Variants in PLEKHM3 observed in about 807,000 individuals in gnomAD.
The protein encoded by PLEKHM3 is pleckstrin homology domain-containing family M member 3.
PLEKHM3 carries 45 observed loss-of-function variants against 81.8 expected under a neutral mutation model. The ratio of observed to expected loss-of-function variants is 0.55; its 90% CI spans 0.43 to 0.71. The LOEUF (loss-of-function observed/expected upper bound fraction) is 0.71. PLEKHM3 is among the 30% of genes least tolerant of loss of function. The probability of loss-of-function intolerance (pLI) is 0.00; values close to 1 mark genes in which losing one functional copy is unlikely to be tolerated. For synonymous variants in PLEKHM3, 352 were observed against 356.4 expected (o/e 0.99, Z 0.14); for missense variants, 788 against 924.3 (o/e 0.85, Z 1.91).
intron 4 of PLEKHM3, among the ~76,000 whole-genome samples, chr2:207,936,896 A>C (rs1297766320): frequency 6.6e-5 from 10 of 150,926 alleles, no homozygotes; most frequent in Non-Finnish European, 1.5e-4. Flanking sequence ...TATGCATGTA[A>C]AATTCATGAA....
rs115335545 is a variant in PLEKHM3 at position 207,867,164 on chromosome 2, G to C, written c.1951-5902C>G. 1.8e-3 allele frequency among the ~76,000 whole-genome samples: 275 copies of C among 152,328 alleles called. 2 individuals carry two copies. The highest frequency in any genetic ancestry group is 6.4e-3 in the African/African-American group (267 of 41,574). On this transcript the variant is annotated intron_variant, in intron 6 of 7. Coordinates refer to ENST00000427836, the MANE Select transcript of PLEKHM3 (RefSeq NM_001080475.3). ...CAGCAGTCATATCTTAGGTTGTCTT[G>C]TGTCGCAAACATTTTCAATCGTTCT... is the stretch of plus-strand genomic sequence containing the variant.
At position 207,946,401 on chromosome 2, in the gene PLEKHM3, C is replaced by T. The variant is rs761683261; in HGVS notation, c.1658G>A (p.Arg553His). The T allele has an allele frequency of 1.2e-5, 20 of 1,613,986 alleles. No homozygotes were observed. Among genetic ancestry groups the T allele is most frequent in the East Asian group, 4.5e-5 (2 of 44,900 alleles). ...TGAAGTATCCCAGTTGTGGACTATGCGTGCTGGAATGAGAAAGCTGTCATC... is the reference window on the plus strand; with the variant it reads ...TGAAGTATCCCAGTTGTGGACTATGTGTGCTGGAATGAGAAAGCTGTCATC... ...HVDDSFLIPARIVHNWDTSKY... is the reference protein window; with the variant it reads ...HVDDSFLIPAHIVHNWDTSKY... Residue 553 changes from arginine (R) to histidine (H), a missense_variant, in exon 4 of 8, where the codon CGC becomes CAC. Transcript: ENST00000427836.
At chr2:207,859,055 C>G (rs10185848) in intron 7 of PLEKHM3, among the ~76,000 whole-genome samples, 91,164 of 151,276 alleles carry the variant, frequency 0.6, 28,259 homozygotes, top group African/African-American at 0.72. Flanking sequence ...GTAATATGTG[C>G]TTTGTGTCTG....
chr2:207,870,095 C>T (rs1030487682), intron 6 of PLEKHM3, among the ~76,000 whole-genome samples: 2 of 152,164 alleles, frequency 1.3e-5, no homozygotes, highest in Admixed American at 6.5e-5. Flanking sequence ...ATTGCAGTGT[C>T]ATGTTCAAGG....
chr2:207,862,198 C>T (rs528135496), intron 6 of PLEKHM3, among the ~76,000 whole-genome samples: 1 of 152,212 alleles, frequency 6.6e-6, no homozygotes, highest in East Asian at 1.9e-4. Context: ...CTTTGCTTCT[C>T]TCTAATTAAT....
chr2:208,012,429 G>A (rs1054271972), intron 1 of PLEKHM3, among the ~76,000 whole-genome samples: 19 of 152,286 alleles, frequency 1.2e-4, no homozygotes, highest in East Asian at 5.8e-4. Flanking sequence ...AAAAGAAAAC[G>A]AAGTTCCTCA....
chr2:207,875,611 C>T (rs900926198), intron 6 of PLEKHM3, among the ~76,000 whole-genome samples: 1 of 152,176 alleles, frequency 6.6e-6, no homozygotes, highest in Non-Finnish European at 1.5e-5. Flanking sequence ...AGGGTGTTCA[C>T]TGCAGTATAG....
intron 1 of PLEKHM3, among the ~76,000 whole-genome samples, chr2:208,018,255 C>T (rs1391708827): frequency 6.6e-6 from 1 of 151,904 alleles, no homozygotes; most frequent in Non-Finnish European, 1.5e-5. Flanking sequence ...TGCCTGTAGT[C>T]CCAGCTACTC....
rs1691365200 is a variant in PLEKHM3 at position 207,977,603 on chromosome 2, A to C, written c.611-17T>G. 1.3e-6 allele frequency: 2 copies of C among 1,575,502 alleles called. No homozygotes were observed. Among genetic ancestry groups the C allele is most frequent in the Admixed American group, 1.8e-5 (1 of 55,146 alleles). On this transcript the variant is annotated splice_polypyrimidine_tract_variant and intron_variant, in intron 2 of 7. Transcript: ENST00000427836. ...GCTTGTGTTCTAGAAAGGAAAAGAGAGGCAAAGTATTGATTAGAATTAGTT... is the reference window on the plus strand; with the variant it reads ...GCTTGTGTTCTAGAAAGGAAAAGAGCGGCAAAGTATTGATTAGAATTAGTT...
intron 5 of PLEKHM3, among the ~76,000 whole-genome samples, chr2:207,926,917 C>T (rs1298106381): frequency 6.6e-6 from 1 of 152,228 alleles, no homozygotes; most frequent in Non-Finnish European, 1.5e-5. Flanking sequence ...TACAATTAAT[C>T]AGTCTGTTTT....
intron 5 of PLEKHM3, among the ~76,000 whole-genome samples, chr2:207,920,844 C>T (rs1326507997): frequency 1.3e-5 from 2 of 152,144 alleles, no homozygotes; most frequent in Non-Finnish European, 2.9e-5. Context: ...GGAGTAAATG[C>T]ATTTGCTAGC....
chr2:208,001,060 T>A lies in PLEKHM3; in HGVS notation c.580A>T (p.Asn194Tyr). 1 of 1,557,750 alleles carries A rather than the reference T, an allele frequency of 6.4e-7. No individual in the cohort carries two copies. The highest frequency in any genetic ancestry group is 1.2e-5 in the South Asian group (1 of 85,220). ...TRPSFLLPSP[N>Y]KIEDAQGNTE... ...TTTCCTTGAGCATCTTCTATCTTATTTGGTGAGGGCAACAGAAAAGATGGC... is the reference window on the plus strand; with the variant it reads ...TTTCCTTGAGCATCTTCTATCTTATATGGTGAGGGCAACAGAAAAGATGGC... Residue 194 changes from asparagine to tyrosine, a missense_variant, in exon 2 of 8, where the codon AAT becomes TAT. Asn to Tyr is a moderately radical substitution (Grantham distance 143). Transcript: ENST00000427836.
intron 3 of PLEKHM3, among the ~76,000 whole-genome samples, chr2:207,967,149 G>T (rs1379536176): frequency 6.6e-6 from 1 of 152,012 alleles, no homozygotes; most frequent in Non-Finnish European, 1.5e-5. Context: ...ACCAGGCTGG[G>T]CTATTTTTTT....
chr2:207,847,962 C>T (rs1296950611), intron 7 of PLEKHM3, among the ~76,000 whole-genome samples: 2 of 152,214 alleles, frequency 1.3e-5, no homozygotes, highest in Non-Finnish European at 2.9e-5. Context: ...GCGCAGCCCA[C>T]AAACCTGCTA....
chr2:207,938,302 C>G (rs1689824583), intron 4 of PLEKHM3, among the ~76,000 whole-genome samples: 1 of 152,072 alleles, frequency 6.6e-6, no homozygotes, highest in African/African-American at 2.4e-5. Context: ...TCTTGGAGCT[C>G]AATTCAATCT....
intron 5 of PLEKHM3, among the ~76,000 whole-genome samples, chr2:207,922,678 G>A (rs879595627): frequency 6.3e-4 from 96 of 152,284 alleles, no homozygotes; most frequent in Non-Finnish European, 9.8e-4. Flanking sequence ...TGGGCGTGGT[G>A]GCGGGCGCCT....
At chr2:208,017,939 GTTCCCCTTCC>G (rs1281201318) in intron 1 of PLEKHM3, among the ~76,000 whole-genome samples, 1 of 151,910 alleles carries the variant, frequency 6.6e-6, no homozygotes, top group African/African-American at 2.4e-5. Flanking sequence ...CCCTCTATGG[GTTCCCCTTCC>G]TATGCCCATA....
chr2:207,982,213 C>G (rs1342449045), intron 2 of PLEKHM3, among the ~76,000 whole-genome samples: 1 of 131,224 alleles, frequency 7.6e-6, no homozygotes, highest in African/African-American at 3.9e-5. Flanking sequence ...TCCTTCGTTC[C>G]TCCCTCCCTC....
chr2:207,898,239 T>C (rs1688306864), intron 6 of PLEKHM3, among the ~76,000 whole-genome samples: 1 of 152,152 alleles, frequency 6.6e-6, no homozygotes, highest in African/African-American at 2.4e-5. Flanking sequence ...AAATTTCACA[T>C]AAAAATACAG....
Sources: gnomAD v4.1 joint callset for allele counts (sites outside exome capture counted in the v4.1 genomes callset) on GRCh38, gnomAD v4.1.1 for gene constraint, MANE v1.5 for transcripts, NCBI Gene and HGNC (gene_info 2026-07-23, HGNC 2026-07-21) for gene names.